Variants in CDH4 observed in about 807,000 individuals in gnomAD.
The protein encoded by CDH4 is cadherin-4.
CDH4 carries 33 observed loss-of-function variants against 86.0 expected under a neutral mutation model. The observed-to-expected ratio is 0.38, with a 90% CI of 0.29 to 0.51. CDH4 has a LOEUF of 0.51. Among genes scored for constraint, CDH4 ranks in the 20% least tolerant of loss-of-function variants. CDH4 has a pLI of 0.86. For missense variants in CDH4, 1,114 were observed against 1,307.4 expected, an observed-to-expected ratio of 0.85 and a Z score of 2.28; for synonymous variants, 555 against 549.4, an observed-to-expected ratio of 1.01 and a Z score of -0.14.
chr20:61,720,479 G>A (rs150907018), intron 2 of CDH4, among the ~76,000 whole-genome samples: 1 of 147,184 alleles, frequency 6.8e-6, no homozygotes, highest in East Asian at 2.0e-4. Context: ...GGTGGAGAAT[G>A]CAGGGGTGTA....
chr20:61,469,835 G>A (rs918431383), intron 2 of CDH4, among the ~76,000 whole-genome samples: 2 of 152,036 alleles, frequency 1.3e-5, no homozygotes, highest in Admixed American at 6.6e-5. Context: ...CCCAGTTTAC[G>A]TTCTTGGTGC....
intron 3 of CDH4, among the ~76,000 whole-genome samples, chr20:61,767,940 G>A (rs112798052): frequency 0.074 from 11,271 of 152,272 alleles, 489 homozygotes; most frequent in Middle Eastern, 0.088. Flanking sequence ...GCCCCCTCAT[G>A]CATCTTCCCA....
intron 8 of CDH4, among the ~76,000 whole-genome samples, chr20:61,900,126 G>C (rs1985320434): frequency 6.6e-6 from 1 of 152,190 alleles, no homozygotes; most frequent in Non-Finnish European, 1.5e-5. Context: ...GGACTGGCTG[G>C]GCTGACCCAG....
intron 2 of CDH4, among the ~76,000 whole-genome samples, chr20:61,290,824 TTAA>T (rs1392577541): frequency 2.6e-5 from 4 of 152,188 alleles, no homozygotes; most frequent in African/African-American, 9.7e-5. Context: ...GAAAGGAGCC[TTAA>T]TAACCCAAAC....
intron 2 of CDH4, among the ~76,000 whole-genome samples, chr20:61,575,612 G>A (rs1375445492): frequency 6.6e-6 from 1 of 152,210 alleles, no homozygotes; most frequent in East Asian, 1.9e-4. Flanking sequence ...GCCATATCTG[G>A]CCCTCTGCCT....
intron 2 of CDH4, among the ~76,000 whole-genome samples, chr20:61,590,957 A>G (rs1462136549): frequency 6.6e-6 from 1 of 151,766 alleles, no homozygotes; most frequent in African/African-American, 2.4e-5. Flanking sequence ...TCCACCGCCA[A>G]TGCTGAGCCA....
Position 61,256,904 on chromosome 20 carries a change from A to G in CDH4, c.169+1967A>G, listed in dbSNP as rs1285367951. On this transcript the variant is annotated intron_variant, in intron 2 of 15. Transcript: ENST00000614565. ...TCTCAGGAAGAAAGAGATGTTTTAT[A>G]TCTTACAAATAATTTTGCACATATG... 2.0e-5 allele frequency among the ~76,000 whole-genome samples: 3 copies of G among 152,168 alleles called. No homozygotes were observed. The East Asian group carries it at 5.8e-4, about 29-fold the overall frequency.
chr20:61,680,746 A>AGAGAAT (rs2087503220), intron 2 of CDH4, among the ~76,000 whole-genome samples: 1 of 152,270 alleles, frequency 6.6e-6, no homozygotes, highest in Admixed American at 6.5e-5. Context: ...TTGACTCTGT[A>AGAGAAT]GAGAATTCCG....
At chr20:61,362,335 C>T (rs1203534597) in intron 2 of CDH4, among the ~76,000 whole-genome samples, 7 of 150,148 alleles carry the variant, frequency 4.7e-5, no homozygotes, top group African/African-American at 9.8e-5. Flanking sequence ...CCTAGGACAG[C>T]GTAGTGGAGA....
chr20:61,793,776 T>A (rs1237698481), intron 4 of CDH4, among the ~76,000 whole-genome samples: 4 of 141,860 alleles, frequency 2.8e-5, no homozygotes, highest in Admixed American at 2.2e-4. Flanking sequence ...GAGGTGGAGG[T>A]TGCAGTGAGC....
intron 2 of CDH4, among the ~76,000 whole-genome samples, chr20:61,397,501 C>T (rs2085024664): frequency 6.6e-6 from 1 of 152,116 alleles, no homozygotes; most frequent in African/African-American, 2.4e-5. Flanking sequence ...CCTAGAATCA[C>T]CTTGATACGC....
chr20:61,804,461 G>A (rs2146036765), intron 4 of CDH4, among the ~76,000 whole-genome samples: 1 of 152,352 alleles, frequency 6.6e-6, no homozygotes, highest in South Asian at 2.1e-4. Context: ...CCAGTCACCT[G>A]GAGGTCAGCC....
intron 2 of CDH4, among the ~76,000 whole-genome samples, chr20:61,424,530 C>T (rs866981851): frequency 3.3e-5 from 5 of 152,180 alleles, no homozygotes; most frequent in African/African-American, 9.7e-5. Context: ...TATTCACAGA[C>T]GCACAGGCCC....
At chr20:61,401,900 T>C (rs1364655398) in intron 2 of CDH4, among the ~76,000 whole-genome samples, 1 of 152,244 alleles carries the variant, frequency 6.6e-6, no homozygotes, top group Non-Finnish European at 1.5e-5. Context: ...CACAGTCACC[T>C]GTGACAAAAG....
At chr20:61,357,379 C>T (rs897970824) in intron 2 of CDH4, among the ~76,000 whole-genome samples, 2 of 151,626 alleles carry the variant, frequency 1.3e-5, no homozygotes, top group Non-Finnish European at 2.9e-5. Flanking sequence ...GCCACACACA[C>T]TGTTGGGAAA....
At chr20:61,740,395 CAG>C (rs1458960453) in intron 2 of CDH4, 7 of 152,192 alleles carry the variant, frequency 4.6e-5, no homozygotes, top group Admixed American at 6.5e-5. Context: ...CCACATTTCA[CAG>C]AGTTTCCAAA....
At chr20:61,511,519 G>T (rs965492448) in intron 2 of CDH4, among the ~76,000 whole-genome samples, 1 of 152,232 alleles carries the variant, frequency 6.6e-6, no homozygotes. Flanking sequence ...CTAAGAAAAA[G>T]ATCCTCAAAG....
chr20:61,779,642 C>T (rs1978433323), intron 4 of CDH4, among the ~76,000 whole-genome samples: 1 of 152,370 alleles, frequency 6.6e-6, no homozygotes, highest in East Asian at 1.9e-4. Flanking sequence ...GCTTCACATC[C>T]AGCCACAAAT....
chr20:61,413,183 C>A (rs2085129036), intron 2 of CDH4, among the ~76,000 whole-genome samples: 1 of 150,164 alleles, frequency 6.7e-6, no homozygotes, highest in African/African-American at 2.4e-5. Context: ...ATTCGCAGAG[C>A]TTCCCCGCCC....
Sources: gnomAD v4.1 joint callset for allele counts (sites outside exome capture counted in the v4.1 genomes callset) on GRCh38, gnomAD v4.1.1 for gene constraint, MANE v1.5 for transcripts, NCBI Gene and HGNC (gene_info 2026-07-23, HGNC 2026-07-21) for gene names.